Variants in TNIK observed in about 807,000 individuals in gnomAD.
TNIK encodes TRAF2 and NCK-interacting protein kinase.
TNIK carries 49 observed loss-of-function variants against 191.3 expected under a neutral mutation model. The ratio of observed to expected loss-of-function variants is 0.26; its 90% confidence interval spans 0.20 to 0.32. The LOEUF is 0.32. Among genes scored for constraint, TNIK ranks in the 10% least tolerant of loss-of-function variants. TNIK has a pLI of 1.00. For synonymous variants in TNIK, 594 were observed against 600.9 expected, an observed-to-expected ratio of 0.99 and a Z score of 0.17; for missense variants, 1,155 against 1,702.3, an observed-to-expected ratio of 0.68 and a Z score of 5.66.
intron 9 of TNIK, among the ~76,000 whole-genome samples, chr3:171,169,347 A>G (rs2108761749): frequency 6.6e-6 from 1 of 152,066 alleles, no homozygotes; most frequent in African/African-American, 2.4e-5. Context: ...AGCTCACTGC[A>G]ACCTCTGCCT....
intron 23 of TNIK, among the ~76,000 whole-genome samples, chr3:171,092,013 G>A (rs920823478): frequency 6.7e-6 from 1 of 150,134 alleles, no homozygotes; most frequent in Non-Finnish European, 1.5e-5. Context: ...GCAGTGGCAC[G>A]ATCTCCACTC....
Position 171,159,018 on chromosome 3 carries a change from T to C in TNIK, c.1017-1354A>G, listed in dbSNP as rs1490762906. Among the ~76,000 whole-genome samples, 1 of 151,956 alleles carries C rather than the reference T, an allele frequency of 6.6e-6. No individual in the cohort carries two copies. Among genetic ancestry groups the C allele is most frequent in the African/African-American group, 2.4e-5 (1 of 41,340 alleles). On this transcript the variant is annotated intron_variant, in intron 11 of 32. Transcript: ENST00000436636. This position sits in a 1 kb window ranked among gnomAD's most constrained non-coding sequence, Gnocchi z 4.1. ...AGGGTATGAGAGGAGGTCAGAGAGA[T>C]AGGTGCGGGGCCGCGACAGCCATGC...
At chr3:171,405,935 T>C (rs1476204390) in intron 1 of TNIK, among the ~76,000 whole-genome samples, 1 of 152,068 alleles carries the variant, frequency 6.6e-6, no homozygotes, top group African/African-American at 2.4e-5. Flanking sequence ...ATCAAAGAAA[T>C]CATCTGTCTA....
chr3:171,348,682 C>T (rs1221673807), intron 2 of TNIK, among the ~76,000 whole-genome samples: 1 of 151,964 alleles, frequency 6.6e-6, no homozygotes, highest in Admixed American at 6.6e-5. Context: ...GAGAAAGGGG[C>T]CCACGGAGGC....
In TNIK at chr3:171,113,370, C is replaced by A. The variant is rs531805394; in HGVS notation, c.2121-2493G>T. On this transcript the variant is annotated intron_variant, in intron 18 of 32. Coordinates refer to ENST00000436636, the MANE Select transcript of TNIK (RefSeq NM_015028.4). ...CCTGTAATCCCATCACTTTGGGAGG[C>A]CAAGGCAGGCAGATCACGAGGTCAG... 2.0e-4 allele frequency among the ~76,000 whole-genome samples: 31 copies of A among 152,164 alleles called. 1 individual carries two copies. The Middle Eastern group carries it at 0.027, about 134-fold the overall frequency.
intron 13 of TNIK, among the ~76,000 whole-genome samples, chr3:171,140,150 C>G (rs756913628): frequency 6.6e-6 from 1 of 152,144 alleles, no homozygotes; most frequent in Non-Finnish European, 1.5e-5. Flanking sequence ...AATCAGATAC[C>G]GAGGGTTGGG....
chr3:171,375,964 A>G (rs1185564885), intron 1 of TNIK, among the ~76,000 whole-genome samples: 1 of 152,136 alleles, frequency 6.6e-6, no homozygotes, highest in East Asian at 1.9e-4. Flanking sequence ...CACCCAACAG[A>G]ATACGGATGG....
intron 2 of TNIK, among the ~76,000 whole-genome samples, chr3:171,310,557 A>G (rs1481821221): frequency 6.6e-6 from 1 of 152,196 alleles, no homozygotes; most frequent in Non-Finnish European, 1.5e-5. Context: ...TACTTCATAC[A>G]GTACATTAAA....
At chr3:171,297,662 A>G (rs910677357) in intron 2 of TNIK, among the ~76,000 whole-genome samples, 1 of 151,802 alleles carries the variant, frequency 6.6e-6, no homozygotes, top group Non-Finnish European at 1.5e-5. Context: ...GAAAAATTAA[A>G]CAATATAATT....
intron 10 of TNIK, among the ~76,000 whole-genome samples, chr3:171,163,112 A>C (rs1042917910): frequency 6.6e-6 from 1 of 152,232 alleles, no homozygotes; most frequent in Non-Finnish European, 1.5e-5. Flanking sequence ...TAATATGTTC[A>C]GGAAACAATG....
intron 2 of TNIK, among the ~76,000 whole-genome samples, chr3:171,297,120 T>C (rs1173476375): frequency 6.6e-6 from 1 of 152,166 alleles, no homozygotes; most frequent in African/African-American, 2.4e-5. Flanking sequence ...GTTTTCAGTG[T>C]TGGCTCTGAG....
chr3:171,336,160 G>A (rs1014802108), intron 2 of TNIK, among the ~76,000 whole-genome samples: 8 of 151,998 alleles, frequency 5.3e-5, no homozygotes, highest in East Asian at 1.9e-4. Context: ...ACTGATATCC[G>A]TTAATAACCT....
intron 12 of TNIK, among the ~76,000 whole-genome samples, chr3:171,154,348 T>C (rs1732893121): frequency 6.6e-6 from 1 of 152,132 alleles, no homozygotes; most frequent in South Asian, 2.1e-4. Context: ...TGGACAATGT[T>C]AGGATGGTCT....
At chr3:171,178,497 G>T (rs1243659837) in intron 7 of TNIK, among the ~76,000 whole-genome samples, 1 of 152,194 alleles carries the variant, frequency 6.6e-6, no homozygotes, top group Non-Finnish European at 1.5e-5. Context: ...TTTATTCTCT[G>T]AACAGAATTT....
chr3:171,096,582 G>T (rs2108430467), intron 22 of TNIK, among the ~76,000 whole-genome samples: 2 of 152,122 alleles, frequency 1.3e-5, no homozygotes, highest in East Asian at 1.9e-4. Flanking sequence ...GGTGACTTTA[G>T]CCTGCCCTCT....
At chr3:171,187,660 G>T (rs1737526388) in intron 7 of TNIK, among the ~76,000 whole-genome samples, 1 of 152,110 alleles carries the variant, frequency 6.6e-6, no homozygotes, top group African/African-American at 2.4e-5. Context: ...TATTGGAAAG[G>T]GCTCTGAACA....
At chr3:171,286,461 G>T (rs767723109) in intron 2 of TNIK, among the ~76,000 whole-genome samples, 7 of 152,098 alleles carry the variant, frequency 4.6e-5, no homozygotes, top group Admixed American at 4.6e-4. Flanking sequence ...ATGGTGAAAC[G>T]CCATCTCTAC....
At chr3:171,206,392 A>T (rs1182803173) in intron 4 of TNIK, among the ~76,000 whole-genome samples, 1 of 149,012 alleles carries the variant, frequency 6.7e-6, no homozygotes, top group Non-Finnish European at 1.5e-5. Context: ...AAATAAATGA[A>T]CACATACACA....
chr3:171,307,734 G>A (rs192891549), intron 2 of TNIK, among the ~76,000 whole-genome samples: 88 of 152,216 alleles, frequency 5.8e-4, no homozygotes, highest in African/African-American at 1.8e-3. Flanking sequence ...TCAATGGTCT[G>A]GGATGGTTCT....
Sources: allele counts gnomAD v4.1 joint callset (sites outside exome capture counted in the v4.1 genomes callset), GRCh38; gene constraint gnomAD v4.1.1; non-coding constraint Gnocchi (gnomAD v3.1); transcripts MANE v1.5; gene names NCBI Gene and HGNC (gene_info 2026-07-23, HGNC 2026-07-21).